The following VPS16 variants were observed in gnomAD, a reference collection of about 807,000 sequenced individuals.
VPS16 encodes vacuolar protein sorting-associated protein 16 homolog.
In VPS16, 82 loss-of-function variants were observed where a neutral mutation model predicts 116.0. The ratio of observed to expected loss-of-function variants is 0.71; its 90% CI spans 0.59 to 0.85. VPS16 has a LOEUF of 0.85. Among genes scored for constraint, VPS16 ranks in the 40% least tolerant of loss-of-function variants. The pLI, the probability that VPS16 is intolerant of heterozygous loss-of-function variation, is 0.00. For missense variants in VPS16, 928 were observed against 1,090.6 expected, an observed-to-expected ratio of 0.85 and a Z score of 2.10; for synonymous variants, 406 against 420.7, an observed-to-expected ratio of 0.96 and a Z score of 0.43.
chr20:2,855,524 C>T (rs539119077), intron 1 of VPS16, among the ~76,000 whole-genome samples: 3 of 152,348 alleles, frequency 2.0e-5, no homozygotes, highest in Admixed American at 1.3e-4. Context: ...CCTGTCCTTA[C>T]ACGCTTTGAA....
Position 2,866,335 on chromosome 20 carries a change from G to T in VPS16, c.2375+20G>T. The T allele has an allele frequency of 6.2e-7, 1 of 1,614,170 alleles. No homozygotes were observed. Among genetic ancestry groups the T allele is most frequent in the South Asian group, 1.1e-5 (1 of 91,088 alleles). On this transcript the variant is annotated intron_variant, in intron 23 of 23. Transcript: ENST00000380445. ...TGTTGGGTGCGTCAACTGAGGGCCT[G>T]TGGGTGCTGGGTGGCTGAGCTGTGG...
intron 1 of VPS16, among the ~76,000 whole-genome samples, chr20:2,850,981 AAAG>A (rs1282675505): frequency 1.2e-4 from 18 of 144,390 alleles, no homozygotes; most frequent in African/African-American, 5.2e-4. Flanking sequence ...AAAAAAAAAA[AAAG>A]AAAAAGAATA....
Position 2,864,595 on chromosome 20 carries a change from G to A in VPS16, c.1867G>A (p.Asp623Asn). The A allele has an allele frequency of 6.2e-7, 1 of 1,614,138 alleles. No individual in the cohort carries two copies. Among genetic ancestry groups the A allele is most frequent in the African/African-American group, 1.3e-5 (1 of 75,018 alleles). ...LETLKDLYNQDDNHQELGSFH... is the reference protein window; with the variant it reads ...LETLKDLYNQNDNHQELGSFH... ...GACGCTGAAGGACCTTTACAATCAG[G>A]ATGACAATCACCAGGAATTGGGCAG... Residue 623 changes from aspartate to asparagine, a missense_variant, in exon 19 of 24, where the codon GAT becomes AAT. Transcript: ENST00000380445. The surrounding 1 kb of genome is among the most constrained non-coding windows in gnomAD (Gnocchi z 5.2).
intron 1 of VPS16, chr20:2,841,043 C>T (rs1568619546): frequency 8.7e-6 from 5 of 571,794 alleles, no homozygotes; most frequent in Non-Finnish European, 1.5e-5. Flanking sequence ...GCACAGTGGT[C>T]ACCCCGAAGC....
At chr20:2,846,530 C>T (rs1177729279) in intron 1 of VPS16, among the ~76,000 whole-genome samples, 1 of 152,146 alleles carries the variant, frequency 6.6e-6, no homozygotes, top group East Asian at 1.9e-4. Context: ...ATTTTACATT[C>T]CCAGCAACAA....
In VPS16 at chr20:2,861,691, C is replaced by T. The variant is rs139209677; in HGVS notation, c.886C>T (p.Pro296Ser). The T allele has an allele frequency of 3.9e-5, 63 of 1,613,100 alleles. No individual in the cohort carries two copies. The African/African-American group carries it at 7.6e-4, about 19-fold the overall frequency. The change falls in exon 9 of 24, where the codon CCC becomes TCC. Residue 296 changes from proline to serine, a missense_variant. Physicochemically the swap from Pro to Ser is moderately conservative, Grantham distance 74. Coordinates refer to ENST00000380445, the MANE Select transcript of VPS16 (RefSeq NM_022575.4). ...GCGGCTGATGGTGGTGGGCGATGCACCCGAGAGCATCCAGTATCCTTGGAG... is the reference window on the plus strand; with the variant it reads ...GCGGCTGATGGTGGTGGGCGATGCATCCGAGAGCATCCAGTATCCTTGGAG... ...ERRLMVVGDA[P>S]ESIQFVLDED...
In VPS16 at chr20:2,861,869, A is replaced by G; in HGVS notation, c.964A>G (p.Ser322Gly). 1 of 1,613,822 alleles carries G rather than the reference A, an allele frequency of 6.2e-7. No homozygotes were observed. Among genetic ancestry groups the G allele is most frequent in the African/African-American group, 1.3e-5 (1 of 75,052 alleles). The change falls in exon 10 of 24, where the codon AGC becomes GGC. Residue 322 changes from serine to glycine, a missense_variant. By Grantham distance (56) the Ser-to-Gly change is moderately conservative (BLOSUM62 0). Coordinates refer to ENST00000380445, the MANE Select transcript of VPS16 (RefSeq NM_022575.4). ...ELDGVRIFSR[S>G]THEFLHEVPA... The stretch of plus-strand genomic sequence containing the variant: ...CGATGGGGTCCGCATCTTCTCCCGC[A>G]GCACCCACGAGTTCCTGCATGAGGT...
intron 1 of VPS16, among the ~76,000 whole-genome samples, chr20:2,854,293 C>T (rs1260094896): frequency 2.2e-5 from 3 of 134,670 alleles, no homozygotes; most frequent in African/African-American, 9.6e-5. Context: ...CACTAGCATG[C>T]GCCAGTAGTC....
rs1306722226 is a variant in VPS16 at position 2,865,205 on chromosome 20, G to T, written c.2062G>T (p.Gly688Trp). The T allele has an allele frequency of 6.2e-7, 1 of 1,614,160 alleles. No homozygotes were observed. The highest frequency in any genetic ancestry group is 8.5e-7 in the Non-Finnish European group (1 of 1,180,016). ...RLQRRLEDEL[G>W]GQFLDLSLHD... is the part of the protein sequence containing the mutation. ...GCAGCGGCGCCTAGAAGACGAGCTG[G>T]GGGGCCAGTTCCTAGACCTGTCTCT... The change falls in exon 21 of 24, where the codon GGG becomes TGG. Residue 688 changes from glycine (G) to tryptophan (W), a missense_variant. Transcript: ENST00000380445. This position sits in a 1 kb window ranked among gnomAD's most constrained non-coding sequence, Gnocchi z 5.2.
chr20:2,844,934 G>A (rs564864846), intron 1 of VPS16, among the ~76,000 whole-genome samples: 39 of 151,742 alleles, frequency 2.6e-4, no homozygotes, highest in Non-Finnish European at 4.9e-4. Flanking sequence ...GTAGATCACC[G>A]TTATCTGAAG....
rs1257163132 is a variant in VPS16, at chr20:2,861,037, A to C, written c.698A>C (p.His233Pro). 1 of 1,614,016 alleles carries C rather than the reference A, an allele frequency of 6.2e-7. No homozygotes were observed. Among genetic ancestry groups the C allele is most frequent in the East Asian group, 2.2e-5 (1 of 44,884 alleles). The change falls in exon 7 of 24, where the codon CAC becomes CCC. Residue 233 changes from histidine (H) to proline (P), a missense_variant. His to Pro is a moderately conservative substitution (Grantham distance 77, BLOSUM62 -2). Coordinates refer to ENST00000380445, the MANE Select transcript of VPS16 (RefSeq NM_022575.4). ...ATGGCTGTCTCCTTCACCTACCGAC[A>C]CCTGGCACTCTTCACAGACACAGGC... ...LQMAVSFTYR[H>P]LALFTDTGYI...
chr20:2,866,685 G>T lies in VPS16; in HGVS notation c.*111G>T. On this transcript the variant is annotated 3_prime_UTR_variant, in exon 24 of 24. Transcript: ENST00000380445. ...CCCTAGAGCAATGCTGAGGAGCGGGGGCATGGTAGCAGGGCTGTCTGGTTT... is the reference window on the plus strand; with the variant it reads ...CCCTAGAGCAATGCTGAGGAGCGGGTGCATGGTAGCAGGGCTGTCTGGTTT... 1 of 1,480,522 alleles carries T rather than the reference G, an allele frequency of 6.8e-7. No homozygotes were observed. The highest frequency in any genetic ancestry group is 9.2e-7 in the Non-Finnish European group (1 of 1,090,688). 91.7% of individuals were successfully genotyped at this position (1,480,522 alleles called of 1,614,324 possible).
At chr20:2,861,766 C>T (rs2089231180) in intron 9 of VPS16, 39 bp from the exon 10 acceptor site, 14 of 1,612,022 alleles carry the variant, frequency 8.7e-6, no homozygotes, top group Non-Finnish European at 1.2e-5. Context: ...CTGCCCCGTC[C>T]CATCTGTAGG....
Position 2,859,822 on chromosome 20 carries a change from C to T in VPS16, c.142+15C>T, listed in dbSNP as rs761375985. On this transcript the variant is annotated intron_variant, in intron 2 of 23. Transcript: ENST00000380445. ...GGGCCCCATTGGTATGTTGCCCCTC[C>T]ACCACCACCTGCTCTGGGACCCTGG... is the stretch of plus-strand genomic sequence containing the variant. 29 of 1,602,226 alleles carry T rather than the reference C, an allele frequency of 1.8e-5. No homozygotes were observed. The highest frequency in any genetic ancestry group is 2.3e-5 in the Non-Finnish European group (27 of 1,175,796).
At chr20:2,848,319 C>T (rs116073162) in intron 1 of VPS16, among the ~76,000 whole-genome samples, 3,387 of 152,274 alleles carry the variant, frequency 0.022, 72 homozygotes, top group African/African-American at 0.053. Context: ...TCTTGGTTCA[C>T]TGCAGCCTCG....
chr20:2,849,220 G>A (rs12479852), intron 1 of VPS16, among the ~76,000 whole-genome samples: 3,892 of 151,980 alleles, frequency 0.026, 139 homozygotes, highest in African/African-American at 0.076. Context: ...GGGGAATTCA[G>A]CTGTTGTAAT....
intron 1 of VPS16, among the ~76,000 whole-genome samples, chr20:2,855,383 C>T (rs2089163218): frequency 1.3e-5 from 2 of 151,342 alleles, no homozygotes; most frequent in Admixed American, 1.3e-4. Context: ...GCTTTGTTAT[C>T]CCGTTTCTAG....
At chr20:2,842,602 G>C (rs943837819) in intron 1 of VPS16, among the ~76,000 whole-genome samples, 1 of 145,846 alleles carries the variant, frequency 6.9e-6, no homozygotes, top group Admixed American at 6.8e-5. Context: ...GTGAGACTCC[G>C]TCTATATATA....
intron 1 of VPS16, among the ~76,000 whole-genome samples, chr20:2,847,415 A>G (rs372610213): frequency 2.4e-4 from 30 of 126,816 alleles, no homozygotes; most frequent in African/African-American, 9.1e-4. Flanking sequence ...CCTGGATCCC[A>G]TCCCACCCTT....
Sources: gnomAD v4.1 joint callset for allele counts (sites outside exome capture counted in the v4.1 genomes callset) on GRCh38, gnomAD v4.1.1 for gene constraint, Gnocchi (gnomAD v3.1) non-coding constraint, MANE v1.5 for transcripts, NCBI Gene and HGNC (gene_info 2026-07-23, HGNC 2026-07-21) for gene names.